Variants in DNAH6 observed in about 807,000 individuals in gnomAD.
DNAH6 encodes axonemal beta dynein heavy chain 6.
DNAH6 carries 340 observed loss-of-function variants against 491.4 expected under a neutral mutation model. The observed-to-expected ratio is 0.69, with a 90% CI of 0.63 to 0.76. The LOEUF is 0.76. Among genes scored for constraint, DNAH6 ranks in the 30% least tolerant of loss-of-function variants. The probability of loss-of-function intolerance (pLI) is 0.00; values close to 1 mark genes in which losing one functional copy is unlikely to be tolerated. For missense variants in DNAH6, 4,443 were observed against 4,972.2 expected, an observed-to-expected ratio of 0.89 and a Z score of 3.20; for synonymous variants, 1,603 against 1,686.1, an observed-to-expected ratio of 0.95 and a Z score of 1.21.
At chr2:84,594,509 G>T (rs1293135103) in intron 17 of DNAH6, among the ~76,000 whole-genome samples, 1 of 152,116 alleles carries the variant, frequency 6.6e-6, no homozygotes, top group African/African-American at 2.4e-5. Context: ...TAAAATCTAG[G>T]ATCTTCCTTT....
At chr2:84,665,574 C>T (rs1431854602) in intron 37 of DNAH6, among the ~76,000 whole-genome samples, 2 of 152,120 alleles carry the variant, frequency 1.3e-5, no homozygotes, top group African/African-American at 4.8e-5. Flanking sequence ...CCTGAATAGA[C>T]CAAAAACAGG....
chr2:84,796,411 AAT>A lies in DNAH6; in HGVS notation c.11347_11348del (p.Tyr3783LeufsTer2), dbSNP rs1303858648. ...CCTGAAACATTAGAAGAAGATTATA[AAT>A]ACTCTGAATCAGGTGAATGACTTTT... is the stretch of plus-strand genomic sequence containing the variant. On this transcript the variant is annotated frameshift_variant, in exon 69 of 77. Transcript: ENST00000389394. LOFTEE classifies it high-confidence loss of function. The A allele has an allele frequency of 2.0e-6, 3 of 1,524,092 alleles. No individual in the cohort carries two copies. The highest frequency in any genetic ancestry group is 2.7e-6 in the Non-Finnish European group (3 of 1,131,534). 94.4% of individuals were successfully genotyped at this position (1,524,092 alleles called of 1,614,324 possible).
intron 72 of DNAH6, among the ~76,000 whole-genome samples, chr2:84,809,663 C>T (rs971441541): frequency 2.7e-4 from 41 of 152,102 alleles, no homozygotes; most frequent in African/African-American, 8.5e-4. Context: ...CCCTAACAGC[C>T]CTGAGGGAGC....
chr2:84,715,366 C>T (rs1165293249), intron 57 of DNAH6, among the ~76,000 whole-genome samples, 194 bp from the exon 58 acceptor site: 1 of 152,124 alleles, frequency 6.6e-6, no homozygotes, highest in Non-Finnish European at 1.5e-5. Flanking sequence ...AAGATTGTTA[C>T]TCATACTGGC....
At chr2:84,548,167 G>T in intron 7 of DNAH6, 121 bp from the exon 8 acceptor site, 1 of 1,093,000 alleles carries the variant, frequency 9.1e-7, no homozygotes, top group Non-Finnish European at 1.3e-6. Flanking sequence ...GGTTTGAATT[G>T]CTTCGTGTAC....
chr2:84,552,581 A>G (rs1374237263), intron 9 of DNAH6, among the ~76,000 whole-genome samples: 2 of 152,214 alleles, frequency 1.3e-5, no homozygotes, highest in Non-Finnish European at 2.9e-5. Context: ...TATTATTGGC[A>G]TATATTCCTA....
chr2:84,741,196 T>C (rs1672497463), intron 62 of DNAH6, among the ~76,000 whole-genome samples: 1 of 152,150 alleles, frequency 6.6e-6, no homozygotes, highest in Middle Eastern at 3.4e-3. Flanking sequence ...CTTGGCTGGG[T>C]GGCAGCAGCA....
At chr2:84,580,443 A>G (rs894257536) in intron 14 of DNAH6, among the ~76,000 whole-genome samples, 1 of 152,142 alleles carries the variant, frequency 6.6e-6, no homozygotes, top group Non-Finnish European at 1.5e-5. Context: ...TTTGGCTCCA[A>G]TAGTTTTTTC....
At position 84,771,694 on chromosome 2, in the gene DNAH6, A is replaced by AG. The variant is rs957760567; in HGVS notation, c.10703+8752dup. Among the ~76,000 whole-genome samples the AG allele has an allele frequency of 7.9e-5, 12 of 152,334 alleles. 1 individual carries two copies. The Middle Eastern group carries it at 0.01, about 130-fold the overall frequency. On this transcript the variant is annotated intron_variant, in intron 64 of 76. Coordinates refer to ENST00000389394, the MANE Select transcript of DNAH6 (RefSeq NM_001370.2). Reference sequence around the variant, plus strand: ...ATATTCAAAGTGCTGTGGGGGAAAGAGGGACTGTTAACCAAGAATTCTATA... The same window carrying AG: ...ATATTCAAAGTGCTGTGGGGGAAAGAGGGGACTGTTAACCAAGAATTCTATA...
intron 64 of DNAH6, among the ~76,000 whole-genome samples, chr2:84,774,704 T>A (rs1230478288): frequency 1.3e-5 from 2 of 152,182 alleles, no homozygotes; most frequent in African/African-American, 4.8e-5. Flanking sequence ...TTCCATTTGT[T>A]TGTGTCATTT....
intron 44 of DNAH6, among the ~76,000 whole-genome samples, chr2:84,688,104 G>A (rs910843323): frequency 6.6e-6 from 1 of 151,792 alleles, no homozygotes; most frequent in Non-Finnish European, 1.5e-5. Flanking sequence ...GCGTGGTGGT[G>A]GGCGCCTGTA....
chr2:84,617,539 C>A (rs1045718892), intron 23 of DNAH6, among the ~76,000 whole-genome samples: 1 of 151,948 alleles, frequency 6.6e-6, no homozygotes, highest in Non-Finnish European at 1.5e-5. Context: ...CTCCCCAGCC[C>A]CAACCCTTCC....
At chr2:84,570,825 A>G (rs927582869) in intron 11 of DNAH6, among the ~76,000 whole-genome samples, 2 of 152,250 alleles carry the variant, frequency 1.3e-5, no homozygotes, top group Middle Eastern at 3.4e-3. Flanking sequence ...CTTCTCAATA[A>G]ATGTTGCTGC....
intron 18 of DNAH6, among the ~76,000 whole-genome samples, chr2:84,596,736 A>G (rs1684623221): frequency 6.6e-6 from 1 of 152,056 alleles, no homozygotes; most frequent in Non-Finnish European, 1.5e-5. Context: ...AAAATTTTCC[A>G]GCTTGAAAAG....
At chr2:84,654,926 T>A in intron 35 of DNAH6, 144 bp downstream of exon 35, 1 of 908,404 alleles carries the variant, frequency 1.1e-6, no homozygotes, top group Non-Finnish European at 1.6e-6. Context: ...TGTGAATTCC[T>A]GGAATCGTCC....
intron 21 of DNAH6, among the ~76,000 whole-genome samples, chr2:84,607,622 C>T (rs1685902767): frequency 6.6e-6 from 1 of 152,086 alleles, no homozygotes; most frequent in Non-Finnish European, 1.5e-5. Context: ...CACATGTAAC[C>T]CCTGAATCTA....
intron 63 of DNAH6, among the ~76,000 whole-genome samples, chr2:84,749,653 T>C (rs779266056): frequency 6.6e-6 from 1 of 152,184 alleles, no homozygotes; most frequent in Non-Finnish European, 1.5e-5. Context: ...TAACACTTTG[T>C]TCAATGGAAC....
chr2:84,757,874 C>T (rs1335926200), intron 63 of DNAH6, among the ~76,000 whole-genome samples: 1 of 152,066 alleles, frequency 6.6e-6, no homozygotes, highest in African/African-American at 2.4e-5. Context: ...GACAGGAAAC[C>T]GCATGCTAAT....
In DNAH6 at chr2:84,787,225, G is replaced by A. The variant is rs753033658; in HGVS notation, c.11162G>A (p.Arg3721Lys). ...TGCTATGAATTTAATGACAGTGACA[G>A]GGAATGTGCTTTACTGAATCTCAAA... ...NICYEFNDSD[R>K]ECALLNLKLY... Residue 3721 changes from arginine to lysine, a missense_variant, in exon 68 of 77, where the codon AGG becomes AAG. Physicochemically the swap from Arg to Lys is conservative, Grantham distance 26. This residue lies in a region of DNAH6 where 1,463 missense variants were observed against 1,656.6 expected (regional missense o/e 0.88). Coordinates refer to ENST00000389394, the MANE Select transcript of DNAH6 (RefSeq NM_001370.2). 1.3e-5 allele frequency: 20 copies of A among 1,543,114 alleles called. No homozygotes were observed. The African/African-American group carries it at 1.4e-4, about 11-fold the overall frequency.
Sources: allele counts gnomAD v4.1 joint callset (sites outside exome capture counted in the v4.1 genomes callset), GRCh38; gene constraint gnomAD v4.1.1; regional missense constraint gnomAD v4.1.1; transcripts MANE v1.5; gene names NCBI Gene and HGNC (gene_info 2026-07-23, HGNC 2026-07-21).